The following WEE1 variants were observed in gnomAD, a reference collection of about 807,000 sequenced individuals.
WEE1 encodes WEE1 G2 checkpoint kinase.
A neutral mutation model predicts 68.8 loss-of-function variants in WEE1; 16 were observed. That is an observed-to-expected ratio of 0.23 (90% CI 0.16 to 0.35). The LOEUF (loss-of-function observed/expected upper bound fraction) is 0.35, where lower values mean the gene tolerates loss of function less well. Among genes scored for constraint, WEE1 ranks in the 10% least tolerant of loss-of-function variants. The pLI is 1.00. For missense variants in WEE1, 651 were observed against 824.1 expected, an observed-to-expected ratio of 0.79 and a Z score of 2.57; for synonymous variants, 349 against 318.7, an observed-to-expected ratio of 1.09 and a Z score of -1.01.
Position 9,576,156 on chromosome 11 carries a change from C to G in WEE1, c.782+63C>G. ...CCTAAGATTGGTTTGGTATACTTAT[C>G]AAAATTTAGTTCCTATTTAATGGCA... On this transcript the variant is annotated intron_variant, in intron 2 of 10. Transcript: ENST00000450114. The surrounding 1 kb of genome is among the most constrained non-coding windows in gnomAD (Gnocchi z 4.3). 1.2e-6 allele frequency: 2 copies of G among 1,606,066 alleles called. No individual in the cohort carries two copies. Among genetic ancestry groups the G allele is most frequent in the Non-Finnish European group, 1.7e-6 (2 of 1,175,074 alleles).
At position 9,576,255 on chromosome 11, in the gene WEE1, A is replaced by G; in HGVS notation, c.808A>G (p.Ser270Gly). 1 of 1,516,268 alleles carries G rather than the reference A, an allele frequency of 6.6e-7. No individual in the cohort carries two copies. The highest frequency in any genetic ancestry group is 9.0e-7 in the Non-Finnish European group (1 of 1,114,406). The allele number at this position is 1,516,268 out of a possible 1,614,324, so 93.9% of individuals were successfully genotyped here. A position where few individuals can be genotyped will look rare whatever the true frequency, so the allele number is the denominator to read the frequency against. ...NDSCGEDMEA[S>G]DYELEDETRP... ...TTCCTGTGGTGAAGACATGGAAGCCAGTGATTATGAGCTTGAAGATGAAAC... is the reference window on the plus strand; with the variant it reads ...TTCCTGTGGTGAAGACATGGAAGCCGGTGATTATGAGCTTGAAGATGAAAC... Residue 270 changes from serine (S) to glycine (G), a missense_variant, in exon 3 of 11, where the codon AGT (serine) becomes GGT (glycine). This residue lies in a region of WEE1 where 395 missense variants were observed against 378.4 expected (regional missense o/e 1.04). Coordinates refer to ENST00000450114, the MANE Select transcript of WEE1 (RefSeq NM_003390.4). The surrounding 1 kb of genome is among the most constrained non-coding windows in gnomAD (Gnocchi z 4.3).
chr11:9,581,668 T>A lies in WEE1; in HGVS notation c.1278T>A (p.Asp426Glu). The change falls in exon 6 of 11, where the codon GAT becomes GAA. Residue 426 changes from aspartate to glutamate, a missense_variant. Coordinates refer to ENST00000450114, the MANE Select transcript of WEE1 (RefSeq NM_003390.4). ...ATTCAATGTCTTTGGTTCACATGGATATAAAACCTAGTAAGTATTGCAGAT... is the reference window on the plus strand; with the variant it reads ...ATTCAATGTCTTTGGTTCACATGGAAATAAAACCTAGTAAGTATTGCAGAT... ...YIHSMSLVHMDIKPSNIFISR... is the reference protein window; with the variant it reads ...YIHSMSLVHMEIKPSNIFISR... The A allele has an allele frequency of 6.2e-7, 1 of 1,611,266 alleles. No individual in the cohort carries two copies.
Position 9,577,172 on chromosome 11 carries a change from T to C in WEE1, c.1050T>C (p.His350=). 1 of 1,613,860 alleles carries C rather than the reference T, an allele frequency of 6.2e-7. No homozygotes were observed. Among genetic ancestry groups the C allele is most frequent in the East Asian group, 2.2e-5 (1 of 44,864 alleles). Residue 350 remains histidine, a synonymous_variant, in exon 5 of 11, where the codon CAT becomes CAC. Coordinates refer to ENST00000450114, the MANE Select transcript of WEE1 (RefSeq NM_003390.4). ...ACGCTTTGAGAGAAGTATATGCTCA[T>C]GCAGTGCTTGGACAGCATTCTCATG... is the stretch of plus-strand genomic sequence containing the variant. The part of the protein sequence containing the change: ...EQNALREVYA[H]AVLGQHSHVV...
intron 6 of WEE1, among the ~76,000 whole-genome samples, chr11:9,584,771 T>C (rs1015785181): frequency 4.6e-5 from 7 of 152,160 alleles, no homozygotes; most frequent in African/African-American, 9.7e-5. Context: ...GGATCAGTGC[T>C]AGGCTGGAAA....
chr11:9,574,631 C>T lies in WEE1; in HGVS notation c.576+122C>T, dbSNP rs564359337. The T allele has an allele frequency of 6.4e-5, 72 of 1,119,086 alleles. No individual in the cohort carries two copies. Among genetic ancestry groups the T allele is most frequent in the Middle Eastern group, 7.8e-4 (2 of 2,572 alleles). 69.3% of individuals were successfully genotyped at this position (1,119,086 alleles called of 1,614,324 possible). On this transcript the variant is annotated intron_variant, in intron 1 of 10. Coordinates refer to ENST00000450114, the MANE Select transcript of WEE1 (RefSeq NM_003390.4). This position sits in a 1 kb window ranked among gnomAD's most constrained non-coding sequence, Gnocchi z 4.9. ...TCCCCCCTCGCTTTCCTGCGCCGCCCCCCAAAGTTGGCAGCCCTTGTGTTT... is the reference window on the plus strand; with the variant it reads ...TCCCCCCTCGCTTTCCTGCGCCGCCTCCCAAAGTTGGCAGCCCTTGTGTTT...
Position 9,574,863 on chromosome 11 carries a change from C to G in WEE1, c.576+354C>G. 2 of 989,032 alleles carry G rather than the reference C, an allele frequency of 2.0e-6. No homozygotes were observed. Among genetic ancestry groups the G allele is most frequent in the Non-Finnish European group, 2.4e-6 (2 of 832,336 alleles). 61.3% of individuals were successfully genotyped at this position (989,032 alleles called of 1,614,324 possible). ...ATGCTGGAGGGTGCCGGCCCGGCCA[C>G]CTGACACTCCCGAGCCATAGGATGC... On this transcript the variant is annotated intron_variant, in intron 1 of 10. Coordinates refer to ENST00000450114, the MANE Select transcript of WEE1 (RefSeq NM_003390.4). This position sits in a 1 kb window ranked among gnomAD's most constrained non-coding sequence, Gnocchi z 4.9.
At chr11:9,581,482 A>G in intron 5 of WEE1, 50 bp from the exon 6 acceptor site, 1 of 1,540,454 alleles carries the variant, frequency 6.5e-7, no homozygotes, top group Non-Finnish European at 8.7e-7. Context: ...GATGGAAGAA[A>G]GAAAATATTT....
chr11:9,576,729 G>T lies in WEE1; in HGVS notation c.1019+70G>T. The T allele has an allele frequency of 6.8e-7, 1 of 1,460,000 alleles. No individual in the cohort carries two copies. Among genetic ancestry groups the T allele is most frequent in the South Asian group, 1.4e-5 (1 of 72,458 alleles). 90.4% of individuals were successfully genotyped at this position (1,460,000 alleles called of 1,614,324 possible). ...TGTTACTAACATTAAGGTTTCAGCT[G>T]GTCAAACACTGAATTCCATCTCTAA... On this transcript the variant is annotated intron_variant, in intron 4 of 10. Coordinates refer to ENST00000450114, the MANE Select transcript of WEE1 (RefSeq NM_003390.4). The surrounding 1 kb of genome is among the most constrained non-coding windows in gnomAD (Gnocchi z 4.3).
In WEE1 at chr11:9,574,525, G is replaced by A; in HGVS notation, c.576+16G>A. 8.3e-7 allele frequency: 1 copy of A among 1,204,854 alleles called. No homozygotes were observed. 74.6% of individuals were successfully genotyped at this position (1,204,854 alleles called of 1,614,324 possible). A position where few individuals can be genotyped will look rare whatever the true frequency, so the allele number is the denominator to read the frequency against. ...CACGCCCAAGGTGAGAGCGGCGGGC[G>A]CGGGCACCCGGCGGCCGGGGCCGCG... On this transcript the variant is annotated intron_variant, in intron 1 of 10. Coordinates refer to ENST00000450114, the MANE Select transcript of WEE1 (RefSeq NM_003390.4). This position sits in a 1 kb window ranked among gnomAD's most constrained non-coding sequence, Gnocchi z 4.9.
At chr11:9,577,655 C>T (rs1032913849) in intron 5 of WEE1, 1 of 327,112 alleles carries the variant, frequency 3.1e-6, no homozygotes, top group Admixed American at 4.7e-5. Flanking sequence ...GCTGCTAAAA[C>T]TGATGTTTGT....
At position 9,574,563 on chromosome 11, in the gene WEE1, C is replaced by G; in HGVS notation, c.576+54C>G. The stretch of plus-strand genomic sequence containing the variant: ...GGCCGGGGCCGCGGCGCCGGAGGGG[C>G]CAGCGCCGCTGCCTGGGTTCGGTTA... On this transcript the variant is annotated intron_variant, in intron 1 of 10. Coordinates refer to ENST00000450114, the MANE Select transcript of WEE1 (RefSeq NM_003390.4). This position sits in a 1 kb window ranked among gnomAD's most constrained non-coding sequence, Gnocchi z 4.9. 1 of 1,166,054 alleles carries G rather than the reference C, an allele frequency of 8.6e-7. No individual in the cohort carries two copies. Among genetic ancestry groups the G allele is most frequent in the Non-Finnish European group, 1.1e-6 (1 of 947,936 alleles). The allele number at this position is 1,166,054 out of a possible 1,614,324, so 72.2% of individuals were successfully genotyped here. A position where few individuals can be genotyped will look rare whatever the true frequency, so the allele number is the denominator to read the frequency against.
In WEE1 at chr11:9,574,955, A is replaced by G. The variant is rs1371413620; in HGVS notation, c.576+446A>G. 11 of 985,446 alleles carry G rather than the reference A, an allele frequency of 1.1e-5. No individual in the cohort carries two copies. The highest frequency in any genetic ancestry group is 1.0e-4 in the African/African-American group (6 of 57,242). The allele number at this position is 985,446 out of a possible 1,614,324, so 61.0% of individuals were successfully genotyped here. A position where few individuals can be genotyped will look rare whatever the true frequency, so the allele number is the denominator to read the frequency against. ...GGCAGAAGGAGTTTAAAGAAAAATA[A>G]TTGTCCCGCCCTGATCGTGTCGTGT... On this transcript the variant is annotated intron_variant, in intron 1 of 10. Coordinates refer to ENST00000450114, the MANE Select transcript of WEE1 (RefSeq NM_003390.4). The surrounding 1 kb of genome is among the most constrained non-coding windows in gnomAD (Gnocchi z 4.9).
chr11:9,583,385 C>T (rs549762211), intron 6 of WEE1, among the ~76,000 whole-genome samples: 9 of 151,960 alleles, frequency 5.9e-5, no homozygotes, highest in African/African-American at 1.9e-4. Flanking sequence ...GAGGCTGAGG[C>T]GGGTGGATTG....
At chr11:9,582,746 T>G (rs1565089279) in intron 6 of WEE1, among the ~76,000 whole-genome samples, 2 of 152,106 alleles carry the variant, frequency 1.3e-5, no homozygotes, top group African/African-American at 2.4e-5. Flanking sequence ...TTTTGTATTT[T>G]TAGTAGAGAC....
chr11:9,587,218 C>T (rs1382774689), intron 10 of WEE1, among the ~76,000 whole-genome samples: 3 of 152,206 alleles, frequency 2.0e-5, no homozygotes, highest in Non-Finnish European at 4.4e-5. Flanking sequence ...GTCTTGGCCT[C>T]CCAAAGTGCT....
chr11:9,575,853 T>G (rs1346819864), intron 1 of WEE1, 35 bp from the exon 2 acceptor site: 1 of 1,597,966 alleles, frequency 6.3e-7, no homozygotes, highest in South Asian at 1.1e-5. Flanking sequence ...AGGACTTGGA[T>G]CCTAAAAATT....
At chr11:9,581,726 A>G in intron 6 of WEE1, 48 bp downstream of exon 6, 1 of 1,526,418 alleles carries the variant, frequency 6.6e-7, no homozygotes, top group Non-Finnish European at 8.8e-7. Flanking sequence ...GTTATAGAGA[A>G]TAAATTACTT....
chr11:9,586,988 G>C, intron 10 of WEE1, 132 bp downstream of exon 10: 7 of 1,002,774 alleles, frequency 7.0e-6, no homozygotes, highest in Non-Finnish European at 8.5e-6. Flanking sequence ...TTTTGAGACA[G>C]GGTCTCACTG....
chr11:9,574,741 G>C lies in WEE1; in HGVS notation c.576+232G>C, dbSNP rs1247150656. On this transcript the variant is annotated intron_variant, in intron 1 of 10. Coordinates refer to ENST00000450114, the MANE Select transcript of WEE1 (RefSeq NM_003390.4). The surrounding 1 kb of genome is among the most constrained non-coding windows in gnomAD (Gnocchi z 4.9). ...ACTTCATCTTACAAAGGGGCCGATCGGCCCGTCCGGGTGGCCAAGGATTTG... is the reference window on the plus strand; with the variant it reads ...ACTTCATCTTACAAAGGGGCCGATCCGCCCGTCCGGGTGGCCAAGGATTTG... 4 of 1,035,170 alleles carry C rather than the reference G, an allele frequency of 3.9e-6. No individual in the cohort carries two copies. In the Admixed American group the frequency reaches 1.7e-4, roughly 44 times the overall value. 64.1% of individuals were successfully genotyped at this position (1,035,170 alleles called of 1,614,324 possible). A position where few individuals can be genotyped will look rare whatever the true frequency, so the allele number is the denominator to read the frequency against.
Sources: gnomAD v4.1 joint callset for allele counts (sites outside exome capture counted in the v4.1 genomes callset) on GRCh38, gnomAD v4.1.1 for gene constraint, gnomAD v4.1.1 regional missense constraint, Gnocchi (gnomAD v3.1) non-coding constraint, MANE v1.5 for transcripts, NCBI Gene and HGNC (gene_info 2026-07-23, HGNC 2026-07-21) for gene names.